Variants in ANKFN1 observed in about 807,000 individuals in gnomAD.
ANKFN1 encodes ankyrin repeat and fibronectin type-III domain-containing protein 1.
A neutral mutation model predicts 108.7 loss-of-function variants in ANKFN1; 74 were observed. That is an observed-to-expected ratio of 0.68 (90% confidence interval 0.56 to 0.83). The LOEUF (loss-of-function observed/expected upper bound fraction) is 0.83. Ranked by LOEUF, ANKFN1 falls within the 40% of genes least tolerant of loss-of-function variation. The pLI, the probability that ANKFN1 is intolerant of heterozygous loss-of-function variation, is 0.00. For missense variants in ANKFN1, 1,505 were observed against 1,382.3 expected (o/e 1.09, Z -1.41); for synonymous variants, 547 against 516.2 (o/e 1.06, Z -0.81).
At position 56,093,024 on chromosome 17, in the gene ANKFN1, A is replaced by G. The variant is rs749256579; in HGVS notation, c.288+46699A>G. Among the ~76,000 whole-genome samples the G allele has an allele frequency of 2.3e-4, 35 of 151,118 alleles. 3 individuals are homozygous for G. Among genetic ancestry groups the G allele is most frequent in the Admixed American group, 9.9e-4 (15 of 15,126 alleles). ...ACCTGGCTAGCATGCCTTTTGATTA[A>G]TTCATAATCAAACAAATTAATAATT... On this transcript the variant is annotated intron_variant, in intron 4 of 12. Transcript: ENST00000635860.
Position 56,510,730 on chromosome 17 carries a change from G to C in ANKFN1, c.2902G>C (p.Glu968Gln). The C allele has an allele frequency of 6.5e-7, 1 of 1,536,142 alleles. No homozygotes were observed. Among genetic ancestry groups the C allele is most frequent in the East Asian group, 2.4e-5 (1 of 40,902 alleles). Reference protein sequence around the residue: ...EGPNPDHSCAEFLHSLTLTGF... With the variant: ...EGPNPDHSCAQFLHSLTLTGF... ...CCCAAATCCCGATCACTCATGTGCC[G>C]AGTTTCTCCATAGCCTGACCCTCAC... Residue 968 changes from glutamate to glutamine, a missense_variant, in exon 21 of 21, where the codon GAG (glutamate) becomes CAG (glutamine). Transcript: ENST00000682825.
At chr17:56,150,815 G>A (rs1200977041), upstream of ANKFN1, among the ~76,000 whole-genome samples, 1 of 152,046 alleles carries the variant, frequency 6.6e-6, no homozygotes, top group African/African-American at 2.4e-5. Context: ...GTGACCTTGA[G>A]AGCTGACTCA....
chr17:56,470,446 T>C (rs976429526), intron 15 of ANKFN1, among the ~76,000 whole-genome samples: 3 of 152,204 alleles, frequency 2.0e-5, no homozygotes, highest in African/African-American at 7.2e-5. Context: ...CTTGCCAGCA[T>C]CTGTTGTTTC....
chr17:56,452,913 C>T (rs568079342), intron 11 of ANKFN1, among the ~76,000 whole-genome samples: 34 of 152,254 alleles, frequency 2.2e-4, no homozygotes, highest in African/African-American at 7.9e-4. Flanking sequence ...GCCTAAATGG[C>T]TCTGTGCTTC....
intron 6 of ANKFN1, chr17:56,368,080 C>CT: frequency 1.2e-6 from 1 of 862,388 alleles, no homozygotes; most frequent in Non-Finnish European, 1.6e-6. Context: ...GATCCAGAGG[C>CT]TAGTAGTTAC....
chr17:56,220,836 AAGGG>A (rs1343622267), intron 2 of ANKFN1, among the ~76,000 whole-genome samples: 2 of 44,142 alleles, frequency 4.5e-5, no homozygotes, highest in African/African-American at 1.9e-4. Flanking sequence ...GGAAGGGAGG[AAGGG>A]AGGGAGGGAG....
At chr17:56,490,216 G>A (rs1279040536) in intron 18 of ANKFN1, among the ~76,000 whole-genome samples, 1 of 152,200 alleles carries the variant, frequency 6.6e-6, no homozygotes, top group Non-Finnish European at 1.5e-5. Context: ...TAGGATAAGT[G>A]TCATGAAATG....
At chr17:56,054,955 A>C (rs921396159) in intron 4 of ANKFN1, among the ~76,000 whole-genome samples, 2 of 152,108 alleles carry the variant, frequency 1.3e-5, no homozygotes, top group African/African-American at 4.8e-5. Context: ...ACAAATGCTC[A>C]TCTGAGCCTT....
intron 3 of ANKFN1, among the ~76,000 whole-genome samples, chr17:56,310,461 C>CA (rs1290678207): frequency 2.0e-5 from 3 of 151,740 alleles, no homozygotes; most frequent in South Asian, 2.1e-4. Context: ...ACTAAAAATA[C>CA]AAAAAATTAG....
intron 4 of ANKFN1, among the ~76,000 whole-genome samples, chr17:56,047,937 A>G (rs1417698709): frequency 6.6e-6 from 1 of 152,212 alleles, no homozygotes; most frequent in East Asian, 1.9e-4. Context: ...GTTACTATTA[A>G]TGCATTGCAG....
At chr17:56,047,702 G>A (rs980683746) in intron 4 of ANKFN1, among the ~76,000 whole-genome samples, 1 of 152,148 alleles carries the variant, frequency 6.6e-6, no homozygotes, top group Non-Finnish European at 1.5e-5. Flanking sequence ...GGGGGTAAAC[G>A]GAGAAAGCTG....
At chr17:56,318,380 A>G (rs1286401260) in intron 3 of ANKFN1, among the ~76,000 whole-genome samples, 1 of 152,188 alleles carries the variant, frequency 6.6e-6, no homozygotes, top group Middle Eastern at 3.2e-3. Flanking sequence ...AAACTGGGAA[A>G]AAGTATAAAA....
intron 4 of ANKFN1, among the ~76,000 whole-genome samples, chr17:56,095,465 C>A (rs560531823): frequency 6.6e-6 from 1 of 150,738 alleles, no homozygotes; most frequent in Non-Finnish European, 1.5e-5. Context: ...CTAATTTTTG[C>A]GTCTTTTTGT....
At chr17:56,292,232 G>A (rs2144315661) in intron 3 of ANKFN1, among the ~76,000 whole-genome samples, 1 of 152,288 alleles carries the variant, frequency 6.6e-6, no homozygotes, top group Non-Finnish European at 1.5e-5. Flanking sequence ...TGGTTTCCTG[G>A]GGAGTGTAGC....
intron 4 of ANKFN1, among the ~76,000 whole-genome samples, chr17:56,126,227 A>G (rs1906919230): frequency 6.6e-6 from 1 of 152,162 alleles, no homozygotes; most frequent in Non-Finnish European, 1.5e-5. Context: ...AAGTCTGGAA[A>G]ATAAATAATT....
At chr17:56,414,731 C>A (rs960099090) in intron 8 of ANKFN1, among the ~76,000 whole-genome samples, 1 of 151,998 alleles carries the variant, frequency 6.6e-6, no homozygotes, top group African/African-American at 2.4e-5. Context: ...GATAAAAACC[C>A]TCAAAAGGCT....
intron 4 of ANKFN1, among the ~76,000 whole-genome samples, chr17:56,330,544 G>T (rs1051637400): frequency 6.6e-6 from 1 of 152,144 alleles, no homozygotes; most frequent in Non-Finnish European, 1.5e-5. Flanking sequence ...TCATAGCTAT[G>T]CATTTGCATA....
At chr17:56,489,698 C>G (rs557639229) in intron 18 of ANKFN1, among the ~76,000 whole-genome samples, 1 of 152,028 alleles carries the variant, frequency 6.6e-6, no homozygotes, top group Non-Finnish European at 1.5e-5. Flanking sequence ...TTTTTCCAGT[C>G]ATATTTTAGA....
At chr17:56,280,286 C>T (rs548668427) in intron 3 of ANKFN1, among the ~76,000 whole-genome samples, 6 of 152,126 alleles carry the variant, frequency 3.9e-5, no homozygotes, top group Non-Finnish European at 1.5e-5. Context: ...AGAAGATCCA[C>T]CCTCACTAAT....
Sources: gnomAD v4.1 joint callset for allele counts (sites outside exome capture counted in the v4.1 genomes callset) on GRCh38, gnomAD v4.1.1 for gene constraint, MANE v1.5 for transcripts, NCBI Gene and HGNC (gene_info 2026-07-23, HGNC 2026-07-21) for gene names.